Variants in SLC30A10 observed in about 807,000 individuals in gnomAD.
The protein encoded by SLC30A10 is calcium/manganese antiporter SLC30A10.
In SLC30A10, 8 loss-of-function variants were observed where a neutral mutation model predicts 21.7. That is an observed-to-expected ratio of 0.37 (90% CI 0.22 to 0.67). SLC30A10 has a LOEUF of 0.67. Ranked by LOEUF, SLC30A10 falls within the 30% of genes least tolerant of loss-of-function variation. The probability of loss-of-function intolerance (pLI) is 0.58; values close to 1 mark genes in which losing one functional copy is unlikely to be tolerated. For missense variants in SLC30A10, 521 were observed against 642.5 expected (o/e 0.81, Z 2.04); for synonymous variants, 272 against 279.4 (o/e 0.97, Z 0.26).
intron 2 of SLC30A10, 117 bp downstream of exon 2, chr1:219,926,911 T>A (rs878984667): frequency 1.3e-6 from 1 of 744,544 alleles, no homozygotes; most frequent in South Asian, 1.7e-5. Flanking sequence ...AGTCTATGCA[T>A]GTAACTGGCC....
chr1:219,912,809 G>A lies in SLC30A10; in HGVS notation c.*2640C>T, dbSNP rs184962379. On this transcript the variant is annotated 3_prime_UTR_variant, in exon 4 of 4. Coordinates refer to ENST00000366926, the MANE Select transcript of SLC30A10 (RefSeq NM_018713.3). ...AGATAGCACCACTGCACTCCAGCCT[G>A]GGCGACAGAGCAAGACTCCGTCTCA... Among the ~76,000 whole-genome samples, 773 of 152,158 alleles carry A rather than the reference G, an allele frequency of 5.1e-3. 1 individual carries two copies. The highest frequency in any genetic ancestry group is 0.034 in the Middle Eastern group (10 of 294).
intron 1 of SLC30A10, among the ~76,000 whole-genome samples, chr1:219,954,371 G>C (rs1660315105): frequency 6.6e-6 from 1 of 151,788 alleles, no homozygotes; most frequent in African/African-American, 2.4e-5. Flanking sequence ...GAGAAAGCAA[G>C]CACAATTTGG....
intron 1 of SLC30A10, among the ~76,000 whole-genome samples, chr1:219,953,602 CAA>C (rs565963461): frequency 7.6e-6 from 1 of 132,062 alleles, no homozygotes; most frequent in Admixed American, 7.6e-5. Flanking sequence ...GACTCCGTCT[CAA>C]AAAAAAAAGA....
At chr1:219,922,172 GTGTGTTTTTTTTT>G (rs1659702656) in intron 2 of SLC30A10, among the ~76,000 whole-genome samples, 1 of 46,082 alleles carries the variant, frequency 2.2e-5, no homozygotes, top group African/African-American at 1.2e-4. Context: ...GTGTGTGTGT[GTGTGTTTTTTTTT>G]TTTTTTTTTT....
At position 219,928,519 on chromosome 1, in the gene SLC30A10, G is replaced by A; in HGVS notation, c.-79C>T. On this transcript the variant is annotated 5_prime_UTR_variant, in exon 1 of 4. Transcript: ENST00000366926. This position sits in a 1 kb window ranked among gnomAD's most constrained non-coding sequence, Gnocchi z 6.3. ...GCGCGCAGCCACAGGTGGGGGGCGC[G>A]GCGCGGATCCGTGAGGCCCGGTACC... 2 of 1,328,406 alleles carry A rather than the reference G, an allele frequency of 1.5e-6. No homozygotes were observed. Among genetic ancestry groups the A allele is most frequent in the Non-Finnish European group, 2.0e-6 (2 of 1,022,306 alleles). The allele number at this position is 1,328,406 out of a possible 1,614,324, so 82.3% of individuals were successfully genotyped here. A position where few individuals can be genotyped will look rare whatever the true frequency, so the allele number is the denominator to read the frequency against.
At chr1:219,934,321 G>C (rs2102539682) in intron 1 of SLC30A10, among the ~76,000 whole-genome samples, 1 of 152,122 alleles carries the variant, frequency 6.6e-6, no homozygotes, top group Non-Finnish European at 1.5e-5. Flanking sequence ...AAATTAGCCG[G>C]GCATGGTGGT....
chr1:219,933,262 A>G (rs1659995627), upstream of SLC30A10, among the ~76,000 whole-genome samples: 1 of 152,120 alleles, frequency 6.6e-6, no homozygotes, highest in African/African-American at 2.4e-5. Flanking sequence ...TGTTCTTGCA[A>G]CGAAAGAGTA....
At chr1:219,936,672 C>A (rs1409184590) in intron 1 of SLC30A10, among the ~76,000 whole-genome samples, 1 of 152,140 alleles carries the variant, frequency 6.6e-6, no homozygotes, top group Non-Finnish European at 1.5e-5. Context: ...ACTTGGAGCC[C>A]CTGGTAATCC....
At chr1:219,951,790 A>C (rs2102547153) in intron 1 of SLC30A10, among the ~76,000 whole-genome samples, 1 of 152,008 alleles carries the variant, frequency 6.6e-6, no homozygotes, top group Non-Finnish European at 1.5e-5. Flanking sequence ...TTGGAGTGTA[A>C]TGGCATGCTA....
chr1:219,947,031 G>A (rs1660195761), intron 1 of SLC30A10, among the ~76,000 whole-genome samples: 1 of 152,002 alleles, frequency 6.6e-6, no homozygotes, highest in African/African-American at 2.4e-5. Flanking sequence ...AGTTTCTTCA[G>A]GTAAAGAATT....
intron 1 of SLC30A10, among the ~76,000 whole-genome samples, chr1:219,949,638 A>T (rs1212084985): frequency 6.6e-6 from 1 of 152,136 alleles, no homozygotes; most frequent in African/African-American, 2.4e-5. Flanking sequence ...TTTAGGAGAT[A>T]TACCTAATGC....
chr1:219,929,021 GAGC>G (rs1317434049), upstream of SLC30A10, among the ~76,000 whole-genome samples: 3 of 152,354 alleles, frequency 2.0e-5, no homozygotes, highest in East Asian at 5.8e-4. Flanking sequence ...CAAGGCCCCG[GAGC>G]ACAGGCTTGG....
upstream of SLC30A10, among the ~76,000 whole-genome samples, chr1:219,931,682 C>T (rs931148785): frequency 3.3e-5 from 5 of 152,042 alleles, no homozygotes; most frequent in Admixed American, 1.3e-4. Flanking sequence ...GGTTTCACCA[C>T]GTTGGCCAAG....
At chr1:219,950,615 G>A (rs1351045612) in intron 1 of SLC30A10, among the ~76,000 whole-genome samples, 1 of 151,408 alleles carries the variant, frequency 6.6e-6, no homozygotes, top group African/African-American at 2.4e-5. Flanking sequence ...CTCCAGCCTG[G>A]GCAACAGAGG....
At chr1:219,952,482 G>C (rs1372034088) in intron 1 of SLC30A10, among the ~76,000 whole-genome samples, 2 of 152,072 alleles carry the variant, frequency 1.3e-5, no homozygotes, top group Non-Finnish European at 2.9e-5. Context: ...CTCTCTGAGG[G>C]GAGCCAAGTA....
At chr1:219,930,797 T>A (rs1659959891), upstream of SLC30A10, among the ~76,000 whole-genome samples, 1 of 152,154 alleles carries the variant, frequency 6.6e-6, no homozygotes, top group Non-Finnish European at 1.5e-5. Context: ...TAGTGTAAAA[T>A]GGGAATAATA....
In SLC30A10 at chr1:219,928,375, G is replaced by A. The variant is rs747984224; in HGVS notation, c.66C>T (p.Phe22=). 1.2e-5 allele frequency: 20 copies of A among 1,613,422 alleles called. No individual in the cohort carries two copies. The highest frequency in any genetic ancestry group is 1.5e-5 in the Non-Finnish European group (18 of 1,179,710). The change falls in exon 1 of 4, where the codon TTC becomes TTT. Residue 22 remains phenylalanine, a synonymous_variant. Coordinates refer to ENST00000366926, the MANE Select transcript of SLC30A10 (RefSeq NM_018713.3). The surrounding 1 kb of genome is among the most constrained non-coding windows in gnomAD (Gnocchi z 6.3). ...GGTAGCCGGAGACCAGCTCCGCCAC[G>A]AAGAAGGCGACGGTGAGCACCAGCA... The part of the protein sequence containing the change: ...LFMLVLTVAF[F]VAELVSGYLG...
chr1:219,921,943 GA>G (rs1659692327), intron 2 of SLC30A10, among the ~76,000 whole-genome samples: 1 of 132,202 alleles, frequency 7.6e-6, no homozygotes, highest in Admixed American at 7.6e-5. Context: ...GAGAGAGAGA[GA>G]CCGAGAGAGA....
chr1:219,948,134 A>G (rs1660215189), intron 1 of SLC30A10, among the ~76,000 whole-genome samples: 1 of 151,570 alleles, frequency 6.6e-6, no homozygotes, highest in Admixed American at 6.6e-5. Flanking sequence ...ATGGAAGAAC[A>G]TTCCATGCTC....
Sources: gnomAD v4.1 joint callset for allele counts (sites outside exome capture counted in the v4.1 genomes callset) on GRCh38, gnomAD v4.1.1 for gene constraint, Gnocchi (gnomAD v3.1) non-coding constraint, MANE v1.5 for transcripts, NCBI Gene and HGNC (gene_info 2026-07-23, HGNC 2026-07-21) for gene names.